TRABD2B: variants seen among roughly 807,000 people sequenced by gnomAD.
TRABD2B encodes the protein metalloprotease TIKI2.
In TRABD2B, 14 loss-of-function variants were observed where a neutral mutation model predicts 40.1. That is an observed-to-expected ratio of 0.35 (90% CI 0.23 to 0.55). The LOEUF (loss-of-function observed/expected upper bound fraction) is 0.55. TRABD2B is among the 20% of genes least tolerant of loss of function. The pLI is 0.90. For synonymous variants in TRABD2B, 263 were observed against 277.0 expected, an observed-to-expected ratio of 0.95 and a Z score of 0.50; for missense variants, 541 against 648.6, an observed-to-expected ratio of 0.83 and a Z score of 1.80.
At position 47,898,579 on chromosome 1, in the gene TRABD2B, C is replaced by T. The variant is rs183997433; in HGVS notation, c.666+95455G>A. ...GCCAGAAAGAACCTTGATGGTCATA[C>T]GAGCTCTAACTCCCTTATCTACAAT... On this transcript the variant is annotated intron_variant, in intron 2 of 6. Transcript: ENST00000606738. Among the ~76,000 whole-genome samples, 222 of 152,282 alleles carry T rather than the reference C, an allele frequency of 1.5e-3. 1 individual carries two copies. Among genetic ancestry groups the T allele is most frequent in the Non-Finnish European group, 2.4e-3 (164 of 68,022 alleles).
At chr1:47,990,476 G>A (rs1036887489) in intron 2 of TRABD2B, among the ~76,000 whole-genome samples, 1 of 152,006 alleles carries the variant, frequency 6.6e-6, no homozygotes, top group South Asian at 2.1e-4. Context: ...ATACTCCAAC[G>A]TTCAACAAGG....
At chr1:47,810,442 AAGG>A (rs948699857) in intron 2 of TRABD2B, among the ~76,000 whole-genome samples, 3 of 152,100 alleles carry the variant, frequency 2.0e-5, no homozygotes, top group Admixed American at 1.3e-4. Context: ...AAAAGGTCTG[AAGG>A]AGATGAGGGA....
chr1:47,951,062 G>A (rs6588572), intron 2 of TRABD2B, among the ~76,000 whole-genome samples: 37,938 of 152,098 alleles, frequency 0.25, 4,749 homozygotes, highest in Admixed American at 0.28. Flanking sequence ...CAGGGGCATG[G>A]TGGTCCCAAA....
At position 47,762,973 on chromosome 1, in the gene TRABD2B, T is replaced by C. The variant is rs1221523189; in HGVS notation, c.*2929A>G. 1 of 152,244 alleles carries C rather than the reference T, an allele frequency of 6.6e-6. No individual in the cohort carries two copies. Among genetic ancestry groups the C allele is most frequent in the East Asian group, 1.9e-4 (1 of 5,200 alleles). The allele number at this position is 152,244 out of a possible 1,614,324, so 9.4% of individuals were successfully genotyped here. On this transcript the variant is annotated 3_prime_UTR_variant, in exon 7 of 7. Coordinates refer to ENST00000606738, the MANE Select transcript of TRABD2B (RefSeq NM_001194986.2). The stretch of plus-strand genomic sequence containing the variant: ...CTGCTGGGTCTCAGACCTTTCATCT[T>C]TCCTGCCTGCCTCACAGTCAAACAG...
intron 2 of TRABD2B, chr1:47,819,231 C>T (rs772433315): frequency 2.6e-5 from 4 of 152,262 alleles, no homozygotes; most frequent in Non-Finnish European, 5.9e-5. Context: ...TGGGACTCTC[C>T]AGCACTTTTC....
intron 2 of TRABD2B, among the ~76,000 whole-genome samples, chr1:47,847,916 AG>A (rs1290638043): frequency 6.6e-6 from 1 of 152,190 alleles, no homozygotes; most frequent in Non-Finnish European, 1.5e-5. Flanking sequence ...CCTCACCCAG[AG>A]GGGGCTAATT....
At chr1:47,910,400 A>G (rs1460538594) in intron 2 of TRABD2B, among the ~76,000 whole-genome samples, 3 of 152,202 alleles carry the variant, frequency 2.0e-5, no homozygotes, top group Non-Finnish European at 4.4e-5. Context: ...TCCTCCTGTC[A>G]GCTTTCACAG....
intron 2 of TRABD2B, among the ~76,000 whole-genome samples, chr1:47,970,983 T>C (rs1283670635): frequency 3.3e-5 from 5 of 152,142 alleles, no homozygotes; most frequent in African/African-American, 9.7e-5. Context: ...GCAAGTGACA[T>C]CGTCAAACTC....
At chr1:47,844,370 C>G (rs192005341) in intron 2 of TRABD2B, among the ~76,000 whole-genome samples, 191 of 152,298 alleles carry the variant, frequency 1.3e-3, no homozygotes, top group African/African-American at 4.4e-3. Flanking sequence ...TGGGGCCCAT[C>G]CAGGGCTGGC....
intron 2 of TRABD2B, among the ~76,000 whole-genome samples, chr1:47,911,607 G>A (rs1027139418): frequency 2.0e-5 from 3 of 152,212 alleles, no homozygotes; most frequent in African/African-American, 7.2e-5. Context: ...CTGGACATGG[G>A]TCCCACATGG....
At chr1:47,811,095 G>A (rs973893150) in intron 2 of TRABD2B, among the ~76,000 whole-genome samples, 4 of 152,216 alleles carry the variant, frequency 2.6e-5, no homozygotes. Flanking sequence ...GTAGAGCCCT[G>A]TGGTCTTTGA....
chr1:47,823,058 A>C (rs561141292), intron 2 of TRABD2B, among the ~76,000 whole-genome samples: 6 of 152,362 alleles, frequency 3.9e-5, no homozygotes, highest in Admixed American at 3.3e-4. Context: ...TGAGGCATTC[A>C]GGGCACTGAA....
rs761130120 is a variant in TRABD2B, at chr1:47,994,633, G to A, written c.103-36C>T. The A allele has an allele frequency of 1.5e-5, 22 of 1,508,984 alleles. No homozygotes were observed. Among genetic ancestry groups the A allele is most frequent in the South Asian group, 1.1e-4 (9 of 79,138 alleles). 93.5% of individuals were successfully genotyped at this position (1,508,984 alleles called of 1,614,324 possible). A position where few individuals can be genotyped will look rare whatever the true frequency, so the allele number is the denominator to read the frequency against. On this transcript the variant is annotated intron_variant, in intron 1 of 6. Transcript: ENST00000606738. The surrounding 1 kb of genome is among the most constrained non-coding windows in gnomAD (Gnocchi z 6.7). ...AGAGAAGAGGCAAGGCAGTGAGGCCGAAGGCAACAGAGTAGAGTCAGGGTA... is the reference window on the plus strand; with the variant it reads ...AGAGAAGAGGCAAGGCAGTGAGGCCAAAGGCAACAGAGTAGAGTCAGGGTA...
chr1:47,778,014 G>T (rs1644471332), intron 5 of TRABD2B, among the ~76,000 whole-genome samples: 1 of 152,212 alleles, frequency 6.6e-6, no homozygotes, highest in Admixed American at 6.5e-5. Context: ...CAGCAACGGA[G>T]AAGGTGAGGA....
At chr1:47,803,862 C>T (rs72892317) in intron 2 of TRABD2B, among the ~76,000 whole-genome samples, 3,982 of 152,276 alleles carry the variant, frequency 0.026, 184 homozygotes, top group African/African-American at 0.09. Flanking sequence ...CTCATTGAGT[C>T]CTTAAATCTA....
chr1:47,777,508 C>T (rs550899411), intron 5 of TRABD2B, among the ~76,000 whole-genome samples: 2 of 152,346 alleles, frequency 1.3e-5, no homozygotes, highest in South Asian at 4.1e-4. Flanking sequence ...CTGCCACTTA[C>T]ACCGCTGTGT....
intron 6 of TRABD2B, among the ~76,000 whole-genome samples, chr1:47,769,373 T>C (rs1487888495): frequency 6.6e-6 from 1 of 152,170 alleles, no homozygotes; most frequent in Non-Finnish European, 1.5e-5. Context: ...GTAGGAGTTA[T>C]GAATACTATG....
Position 47,778,469 on chromosome 1 carries a change from C to T in TRABD2B, c.1064G>A (p.Gly355Glu), listed in dbSNP as rs1644476833. 6.5e-7 allele frequency: 1 copy of T among 1,535,930 alleles called. No individual in the cohort carries two copies. ...TGTGGCTTACCTGTGTATGGCCTGC[C>T]CGGCGGGTGTGTGGTCCACCTCCAG... ...AGLEVDHTPA[G>E]QAIHSPAPQS... Residue 355 changes from glycine (G) to glutamate (E), a missense_variant, in exon 5 of 7, where the codon GGG becomes GAG. By Grantham distance (98) the Gly-to-Glu change is moderately conservative (BLOSUM62 -2). Coordinates refer to ENST00000606738, the MANE Select transcript of TRABD2B (RefSeq NM_001194986.2).
At position 47,765,997 on chromosome 1, in the gene TRABD2B, G is replaced by T. The variant is rs1294393899; in HGVS notation, c.1459C>A (p.Pro487Thr). 5.7e-6 allele frequency: 4 copies of T among 699,484 alleles called. No homozygotes were observed. The highest frequency in any genetic ancestry group is 7.8e-6 in the Non-Finnish European group (3 of 383,212). The allele number at this position is 699,484 out of a possible 1,614,324, so 43.3% of individuals were successfully genotyped here. Residue 487 changes from proline to threonine, a missense_variant, in exon 7 of 7, where the codon CCC becomes ACC. Physicochemically the swap from Pro to Thr is conservative, Grantham distance 38. This residue lies in a region of TRABD2B where 172 missense variants were observed against 155.8 expected (regional missense o/e 1.10). Transcript: ENST00000606738. The part of the protein sequence containing the change: ...DQLQQQDPPG[P>T]ASSSAPTLGL... ...AGGGTGGGTGCCGAGCTGCTGGCGG[G>T]CCCTGGCGGGTCCTGCTGTTGTAGC...
Sources: gnomAD v4.1 joint callset for allele counts (sites outside exome capture counted in the v4.1 genomes callset) on GRCh38, gnomAD v4.1.1 for gene constraint, gnomAD v4.1.1 regional missense constraint, Gnocchi (gnomAD v3.1) non-coding constraint, MANE v1.5 for transcripts, NCBI Gene and HGNC (gene_info 2026-07-23, HGNC 2026-07-21) for gene names.